The following TTC28 variants were observed in gnomAD, a reference collection of about 807,000 sequenced individuals.
TTC28 encodes the protein tetratricopeptide repeat protein 28.
TTC28 carries 61 observed loss-of-function variants against 198.0 expected under a neutral mutation model. The observed-to-expected ratio is 0.31, with a 90% CI of 0.25 to 0.38. The LOEUF (loss-of-function observed/expected upper bound fraction) is 0.38, where lower values mean the gene tolerates loss of function less well. Among genes scored for constraint, TTC28 ranks in the 10% least tolerant of loss-of-function variants. The probability of loss-of-function intolerance (pLI) is 1.00; values close to 1 mark genes in which losing one functional copy is unlikely to be tolerated. For synonymous variants in TTC28, 1,171 were observed against 1,297.8 expected (o/e 0.90, Z 2.10); for missense variants, 2,678 against 3,164.0 (o/e 0.85, Z 3.69).
chr22:28,362,053 T>C (rs1329086143), intron 2 of TTC28, among the ~76,000 whole-genome samples: 3 of 152,202 alleles, frequency 2.0e-5, no homozygotes, highest in Non-Finnish European at 2.9e-5. Context: ...TGATTAATGT[T>C]GTTTTAATGC....
At chr22:28,678,650 A>C (rs560417158) in intron 1 of TTC28, among the ~76,000 whole-genome samples, 1 of 152,284 alleles carries the variant, frequency 6.6e-6, no homozygotes, top group South Asian at 2.1e-4. Flanking sequence ...TAAATCTGAG[A>C]TATTAATCTC....
At chr22:28,670,704 CATATATAT>C (rs146059811) in intron 1 of TTC28, among the ~76,000 whole-genome samples, 12 of 128,552 alleles carry the variant, frequency 9.3e-5, no homozygotes, top group Non-Finnish European at 1.5e-4. Flanking sequence ...GTCTTTAGGG[CATATATAT>C]ATATATATAT....
intron 5 of TTC28, among the ~76,000 whole-genome samples, chr22:28,235,220 G>T (rs202186598): frequency 6.6e-6 from 1 of 152,108 alleles, no homozygotes; most frequent in African/African-American, 2.4e-5. Flanking sequence ...TTATTGTTTT[G>T]TTTTTTATTC....
At chr22:28,450,755 T>A (rs527480816) in intron 2 of TTC28, among the ~76,000 whole-genome samples, 2 of 152,300 alleles carry the variant, frequency 1.3e-5, no homozygotes, top group African/African-American at 4.8e-5. Context: ...ACACAACAAC[T>A]GGGACTAGGC....
intron 2 of TTC28, among the ~76,000 whole-genome samples, chr22:28,575,116 G>A (rs934908297): frequency 6.6e-6 from 1 of 152,154 alleles, no homozygotes; most frequent in African/African-American, 2.4e-5. Flanking sequence ...CAATGTCCTA[G>A]AGAGTTTCTC....
At chr22:28,084,729 T>C (rs905061408) in intron 12 of TTC28, among the ~76,000 whole-genome samples, 8 of 151,382 alleles carry the variant, frequency 5.3e-5, no homozygotes, top group Non-Finnish European at 1.0e-4. Flanking sequence ...AAGAAGGAAG[T>C]TCGAACCAAT....
At chr22:28,340,847 G>A (rs1298859715) in intron 2 of TTC28, among the ~76,000 whole-genome samples, 1 of 151,836 alleles carries the variant, frequency 6.6e-6, no homozygotes, top group Non-Finnish European at 1.5e-5. Flanking sequence ...TAATAAACAG[G>A]GTCTACAATG....
Position 28,105,695 on chromosome 22 carries a change from C to G in TTC28, c.2891G>C (p.Gly964Ala). The G allele has an allele frequency of 6.4e-7, 1 of 1,551,854 alleles. No individual in the cohort carries two copies. The highest frequency in any genetic ancestry group is 8.7e-7 in the Non-Finnish European group (1 of 1,147,044). The change falls in exon 8 of 23, where the codon GGA becomes GCA. Residue 964 changes from glycine to alanine, a missense_variant. Transcript: ENST00000397906. ...FNKAQAYGEL[G>A]SLHSQLGNYE... ...ATTCCCTAATTGGCTGTGCAGACTTCCCAGCTCTCCATAGGCCTGGGCTTT... is the reference window on the plus strand; with the variant it reads ...ATTCCCTAATTGGCTGTGCAGACTTGCCAGCTCTCCATAGGCCTGGGCTTT...
At chr22:28,437,281 A>G (rs1032195543) in intron 2 of TTC28, among the ~76,000 whole-genome samples, 1 of 151,888 alleles carries the variant, frequency 6.6e-6, no homozygotes, top group Non-Finnish European at 1.5e-5. Context: ...CGGGGTTTCA[A>G]TATGTTGGTC....
Position 28,209,061 on chromosome 22 carries a change from T to C in TTC28, c.934-45462A>G, listed in dbSNP as rs1395970093. ...AGCCTTAGCATACATCAAAAGGCCA[T>C]TGTTCTCATACTTTCAAATTTTCAT... On this transcript the variant is annotated intron_variant, in intron 5 of 22. Coordinates refer to ENST00000397906, the MANE Select transcript of TTC28 (RefSeq NM_001145418.2). 4.6e-5 allele frequency among the ~76,000 whole-genome samples: 7 copies of C among 152,144 alleles called. No homozygotes were observed. In the South Asian group the frequency reaches 6.2e-4, roughly 13 times the overall value.
chr22:28,176,824 T>C (rs539937609), intron 5 of TTC28, among the ~76,000 whole-genome samples: 1 of 152,286 alleles, frequency 6.6e-6, no homozygotes, highest in African/African-American at 2.4e-5. Flanking sequence ...TTTCAACAAA[T>C]GGTGCTAGAA....
intron 12 of TTC28, among the ~76,000 whole-genome samples, chr22:28,067,254 T>C (rs979731927): frequency 1.3e-5 from 2 of 152,200 alleles, no homozygotes; most frequent in African/African-American, 4.8e-5. Flanking sequence ...TTTATTCTTT[T>C]TCTCTCCTAT....
intron 2 of TTC28, among the ~76,000 whole-genome samples, chr22:28,349,962 T>C (rs1268047067): frequency 6.6e-6 from 1 of 152,216 alleles, no homozygotes; most frequent in Non-Finnish European, 1.5e-5. Context: ...GAAGATGAGA[T>C]AGTAATGTAC....
At chr22:28,144,996 C>T (rs141671377) in intron 6 of TTC28, among the ~76,000 whole-genome samples, 30 of 152,336 alleles carry the variant, frequency 2.0e-4, no homozygotes, top group African/African-American at 7.0e-4. Flanking sequence ...AGGTACACAG[C>T]TATGAAATAA....
intron 2 of TTC28, among the ~76,000 whole-genome samples, chr22:28,413,212 G>A (rs1308268414): frequency 1.3e-5 from 2 of 152,072 alleles, no homozygotes; most frequent in African/African-American, 4.8e-5. Context: ...AAGGCGGGCG[G>A]ATGACGAGGT....
chr22:28,650,475 A>T (rs1209824765), intron 1 of TTC28, among the ~76,000 whole-genome samples: 1 of 152,144 alleles, frequency 6.6e-6, no homozygotes, highest in South Asian at 2.1e-4. Context: ...GTCTTTCACA[A>T]TTTTTTCTGA....
chr22:28,108,231 C>T lies in TTC28; in HGVS notation c.1614G>A (p.Arg538=). The T allele has an allele frequency of 2.6e-6, 4 of 1,551,166 alleles. No individual in the cohort carries two copies. The highest frequency in any genetic ancestry group is 2.6e-6 in the Non-Finnish European group (3 of 1,146,568). ...CTTCCATGGAGATCTGCAGCTCCTGCCGATGGTATTTGACCGCCTGGTCGT... is the reference window on the plus strand; with the variant it reads ...CTTCCATGGAGATCTGCAGCTCCTGTCGATGGTATTTGACCGCCTGGTCGT... The part of the protein sequence containing the change: ...GMYDQAVKYH[R]QELQISMEVN... Residue 538 remains arginine (R), a synonymous_variant, in exon 7 of 23, where the codon CGG becomes CGA. Coordinates refer to ENST00000397906, the MANE Select transcript of TTC28 (RefSeq NM_001145418.2).
intron 2 of TTC28, among the ~76,000 whole-genome samples, chr22:28,568,581 A>G (rs762726052): frequency 2.6e-5 from 4 of 152,304 alleles, no homozygotes; most frequent in Non-Finnish European, 5.9e-5. Context: ...CCTAGCTAAG[A>G]GCCAAATCAA....
intron 5 of TTC28, among the ~76,000 whole-genome samples, chr22:28,245,891 A>G (rs1246732494): frequency 6.6e-6 from 1 of 152,196 alleles, no homozygotes; most frequent in Non-Finnish European, 1.5e-5. Flanking sequence ...TCAAAGAGTG[A>G]CAGTAAATAT....
Sources: gnomAD v4.1 joint callset for allele counts (sites outside exome capture counted in the v4.1 genomes callset) on GRCh38, gnomAD v4.1.1 for gene constraint, MANE v1.5 for transcripts, NCBI Gene and HGNC (gene_info 2026-07-23, HGNC 2026-07-21) for gene names.